Variants in NAV3 observed in about 807,000 individuals in gnomAD.
The protein encoded by NAV3 is neuron navigator 3.
Under a neutral mutation model 244.7 loss-of-function variants are expected in NAV3, and 87 were observed. The ratio of observed to expected loss-of-function variants is 0.36; its 90% CI spans 0.30 to 0.42. The LOEUF is 0.42. Ranked by LOEUF, NAV3 falls within the 20% of genes least tolerant of loss-of-function variation. The pLI, the probability that NAV3 is intolerant of heterozygous loss-of-function variation, is 1.00. For missense variants in NAV3, 2,663 were observed against 2,893.3 expected, an observed-to-expected ratio of 0.92 and a Z score of 1.83; for synonymous variants, 1,126 against 1,042.2, an observed-to-expected ratio of 1.08 and a Z score of -1.55.
At chr12:77,684,431 C>T (rs770756735) in intron 2 of NAV3, among the ~76,000 whole-genome samples, 8 of 151,948 alleles carry the variant, frequency 5.3e-5, no homozygotes, top group Non-Finnish European at 1.0e-4. Flanking sequence ...CTCTCTTGTC[C>T]AGGCTAGAGT....
intron 2 of NAV3, among the ~76,000 whole-genome samples, chr12:77,721,215 A>G (rs191112792): frequency 6.6e-6 from 1 of 152,114 alleles, no homozygotes; most frequent in Non-Finnish European, 1.5e-5. Context: ...GACCTTTGTA[A>G]GTGCATTGTA....
intron 6 of NAV3, among the ~76,000 whole-genome samples, chr12:77,995,568 T>G (rs112739762): frequency 5.9e-5 from 9 of 152,324 alleles, no homozygotes; most frequent in African/African-American, 2.2e-4. Flanking sequence ...TTGTGTCATC[T>G]CACTCACTGG....
chr12:78,069,833 C>A (rs1952664937), intron 12 of NAV3, among the ~76,000 whole-genome samples: 1 of 151,780 alleles, frequency 6.6e-6, no homozygotes, highest in South Asian at 2.1e-4. Flanking sequence ...TATATACATA[C>A]ACATTTGGTA....
chr12:77,693,458 A>G (rs936257698), intron 2 of NAV3, among the ~76,000 whole-genome samples: 1 of 151,946 alleles, frequency 6.6e-6, no homozygotes, highest in African/African-American at 2.4e-5. Flanking sequence ...TATCAGTTGA[A>G]TGACTACTTT....
intron 1 of NAV3, among the ~76,000 whole-genome samples, chr12:77,879,398 G>T (rs1479974037): frequency 6.6e-6 from 1 of 152,046 alleles, no homozygotes; most frequent in Non-Finnish European, 1.5e-5. Context: ...GCTGGGTGCA[G>T]TGCTCACACC....
chr12:78,175,542 C>T (rs1958183989), intron 25 of NAV3, 115 bp downstream of exon 25: 2 of 1,327,438 alleles, frequency 1.5e-6, no homozygotes, highest in South Asian at 2.7e-5. Context: ...ATTCAAGCTA[C>T]TGAGACCTCA....
intron 12 of NAV3, chr12:78,091,513 G>A (rs1953930144): frequency 6.6e-6 from 1 of 152,150 alleles, no homozygotes; most frequent in African/African-American, 2.4e-5. Context: ...AAATTCACCT[G>A]TGGCCGGGCG....
chr12:77,811,017 GA>G (rs1259269228), intron 2 of NAV3, among the ~76,000 whole-genome samples: 1 of 152,048 alleles, frequency 6.6e-6, no homozygotes, highest in Non-Finnish European at 1.5e-5. Flanking sequence ...CTGAAATAAA[GA>G]AATTTAACTT....
intron 20 of NAV3, among the ~76,000 whole-genome samples, chr12:78,146,005 T>A (rs1049002192): frequency 6.6e-6 from 1 of 152,114 alleles, no homozygotes; most frequent in Non-Finnish European, 1.5e-5. Context: ...TGAAAGATAC[T>A]TCAATATTTT....
At chr12:78,150,631 T>TCTCA (rs1282019719) in intron 22 of NAV3, among the ~76,000 whole-genome samples, 12 of 144,330 alleles carry the variant, frequency 8.3e-5, no homozygotes, top group South Asian at 2.3e-4. Flanking sequence ...AAAAGCTTCC[T>TCTCA]CACACACACA....
intron 2 of NAV3, among the ~76,000 whole-genome samples, chr12:77,726,607 A>T (rs147484998): frequency 2.0e-5 from 3 of 152,052 alleles, no homozygotes; most frequent in African/African-American, 7.2e-5. Flanking sequence ...TTCAATGGAG[A>T]GTCAGGCATG....
At chr12:77,907,489 G>C (rs1368804635) in intron 1 of NAV3, among the ~76,000 whole-genome samples, 2 of 151,954 alleles carry the variant, frequency 1.3e-5, no homozygotes, top group Non-Finnish European at 2.9e-5. Flanking sequence ...TTATTTCCTT[G>C]TAATAATTAG....
chr12:78,060,394 C>A (rs879325081), intron 12 of NAV3, among the ~76,000 whole-genome samples: 3 of 151,982 alleles, frequency 2.0e-5, no homozygotes, highest in Non-Finnish European at 4.4e-5. Context: ...GTGGTTAGAA[C>A]AGTCTCAGCT....
At chr12:77,784,922 A>G (rs1870834391) in intron 2 of NAV3, among the ~76,000 whole-genome samples, 1 of 152,198 alleles carries the variant, frequency 6.6e-6, no homozygotes, top group Non-Finnish European at 1.5e-5. Flanking sequence ...TCTGTGAATT[A>G]GAATTTTGTG....
intron 2 of NAV3, among the ~76,000 whole-genome samples, chr12:77,825,102 G>T (rs1427250578): frequency 6.6e-6 from 1 of 152,158 alleles, no homozygotes; most frequent in Non-Finnish European, 1.5e-5. Flanking sequence ...TGTTAACTAA[G>T]AATTTTGTAC....
At chr12:77,695,342 TG>T (rs1252173076) in intron 2 of NAV3, among the ~76,000 whole-genome samples, 1 of 152,148 alleles carries the variant, frequency 6.6e-6, no homozygotes, top group Non-Finnish European at 1.5e-5. Flanking sequence ...CAAGAGACAG[TG>T]GTCTAGTTTC....
intron 1 of NAV3, among the ~76,000 whole-genome samples, chr12:77,859,210 C>A (rs1878837414): frequency 6.6e-6 from 1 of 151,926 alleles, no homozygotes; most frequent in Admixed American, 6.6e-5. Context: ...ATTGTAATTT[C>A]CTTTAATTCA....
chr12:77,830,613 T>C (rs972889692), upstream of NAV3, among the ~76,000 whole-genome samples: 1 of 152,206 alleles, frequency 6.6e-6, no homozygotes, highest in African/African-American at 2.4e-5. Flanking sequence ...TAGGCAGCTA[T>C]GGTCCGATGA....
In NAV3 at chr12:78,181,062, G is replaced by A. The variant is rs1391984769; in HGVS notation, c.5692+17G>A. 1 of 1,611,260 alleles carries A rather than the reference G, an allele frequency of 6.2e-7. No individual in the cohort carries two copies. Among genetic ancestry groups the A allele is most frequent in the Non-Finnish European group, 8.5e-7 (1 of 1,178,144 alleles). ...TTAGCTCAGGTGATTTAGTGCACAT[G>A]CTTGCCTGAATCACAGCATACCCAT... On this transcript the variant is annotated intron_variant, in intron 30 of 39. Transcript: ENST00000397909.
Sources: gnomAD v4.1 joint callset for allele counts (sites outside exome capture counted in the v4.1 genomes callset) on GRCh38, gnomAD v4.1.1 for gene constraint, MANE v1.5 for transcripts, NCBI Gene and HGNC (gene_info 2026-07-23, HGNC 2026-07-21) for gene names.